SLC25A48: variants seen among roughly 807,000 people sequenced by gnomAD.
The protein encoded by SLC25A48 is solute carrier family 25 member 48, also known as CTC-321K16.1.
A neutral mutation model predicts 32.2 loss-of-function variants in SLC25A48; 29 were observed. That is an observed-to-expected ratio of 0.90 (90% CI 0.67 to 1.23). The LOEUF (loss-of-function observed/expected upper bound fraction) is 1.23, where lower values mean the gene tolerates loss of function less well. Ranked by LOEUF, SLC25A48 falls within the 50% of genes most tolerant of loss-of-function variation. SLC25A48 has a pLI of 0.00. For synonymous variants in SLC25A48, 164 were observed against 172.3 expected (o/e 0.95, Z 0.38); for missense variants, 399 against 422.7 (o/e 0.94, Z 0.49).
chr5:135,645,053 A>G (rs1243018852), intron 3 of SLC25A48, among the ~76,000 whole-genome samples: 1 of 152,174 alleles, frequency 6.6e-6, no homozygotes, highest in African/African-American at 2.4e-5. Context: ...AGGCTCCACA[A>G]GGCTTCCTCT....
chr5:135,590,166 A>G (rs1751484137), intron 1 of SLC25A48, among the ~76,000 whole-genome samples: 1 of 152,228 alleles, frequency 6.6e-6, no homozygotes, highest in African/African-American at 2.4e-5. Context: ...ATCCATGGCA[A>G]GATAAAACCC....
chr5:135,774,710 A>T (rs569387584), intron 3 of SLC25A48, among the ~76,000 whole-genome samples: 1 of 151,152 alleles, frequency 6.6e-6, no homozygotes, highest in Non-Finnish European at 1.5e-5. Flanking sequence ...AGGGGGTAAG[A>T]GGATAATATT....
At chr5:135,715,144 G>C (rs1754762580) in intron 3 of SLC25A48, among the ~76,000 whole-genome samples, 3 of 152,182 alleles carry the variant, frequency 2.0e-5, no homozygotes, top group Admixed American at 6.5e-5. Context: ...GGCTGAACTG[G>C]GGCAGAGATA....
chr5:135,613,404 T>C (rs924727884), intron 1 of SLC25A48, among the ~76,000 whole-genome samples: 3 of 152,222 alleles, frequency 2.0e-5, no homozygotes, highest in Non-Finnish European at 4.4e-5. Flanking sequence ...GTTGGTTGTT[T>C]ACTGTGCAGA....
chr5:135,785,245 G>T lies in SLC25A48; in HGVS notation c.-520-27278G>T, dbSNP rs546914651. 4.6e-5 allele frequency among the ~76,000 whole-genome samples: 7 copies of T among 152,204 alleles called. No individual in the cohort carries two copies. In the East Asian group the frequency reaches 1.4e-3, roughly 30 times the overall value. ...CTTGTCCCATAGATCGTAATGTCCG[G>T]GTGGGGAGATGGTGATATTATTCCC... On this transcript the variant is annotated intron_variant, in intron 3 of 10. Coordinates refer to the SLC25A48 transcript ENST00000646290.
chr5:135,700,955 G>T (rs944313037), intron 3 of SLC25A48, among the ~76,000 whole-genome samples: 1 of 152,182 alleles, frequency 6.6e-6, no homozygotes, highest in African/African-American at 2.4e-5. Context: ...GGACCTGGGG[G>T]AGCTCACTTT....
At chr5:135,593,589 G>C (rs183349300) in intron 1 of SLC25A48, among the ~76,000 whole-genome samples, 1 of 152,208 alleles carries the variant, frequency 6.6e-6, no homozygotes, top group Non-Finnish European at 1.5e-5. Context: ...GCTTCTCCCA[G>C]GAGGCAGATG....
At chr5:135,586,867 C>T (rs1315646022) in intron 1 of SLC25A48, among the ~76,000 whole-genome samples, 1 of 151,954 alleles carries the variant, frequency 6.6e-6, no homozygotes, top group East Asian at 1.9e-4. Flanking sequence ...TTATAAGAAG[C>T]CATTGGAGAA....
intron 3 of SLC25A48, among the ~76,000 whole-genome samples, chr5:135,701,418 A>G (rs1459964900): frequency 6.6e-6 from 1 of 152,182 alleles, no homozygotes; most frequent in East Asian, 1.9e-4. Flanking sequence ...CCTATGTCTA[A>G]GCAGGGGACC....
Position 135,611,496 on chromosome 5 carries a change from CAAAA to C in SLC25A48, c.-848-17713_-848-17710del, listed in dbSNP as rs57138043. Among the ~76,000 whole-genome samples, 120 of 21,290 alleles carry C rather than the reference CAAAA, an allele frequency of 5.6e-3. No individual in the cohort carries two copies. In the East Asian group the frequency reaches 0.093, roughly 17 times the overall value. The allele number at this position is 21,290 out of a possible 152,430, so 14.0% of individuals were successfully genotyped here. Reference sequence around the variant, plus strand: ...TCGGTGACAGAGCGAGACTCCATCTCAAAAAAAAAAAAAAAAAAAAAAAAAAAAA... The same window carrying C: ...TCGGTGACAGAGCGAGACTCCATCTCAAAAAAAAAAAAAAAAAAAAAAAAA... On this transcript the variant is annotated intron_variant, in intron 1 of 10. Transcript: ENST00000646290.
intron 3 of SLC25A48, among the ~76,000 whole-genome samples, chr5:135,682,931 A>G (rs1244717736): frequency 2.0e-5 from 3 of 152,190 alleles, no homozygotes; most frequent in Non-Finnish European, 2.9e-5. Flanking sequence ...ACTAATCATC[A>G]TTTATCAGGT....
chr5:135,648,579 T>C (rs1470469181), intron 3 of SLC25A48: 3 of 152,208 alleles, frequency 2.0e-5, no homozygotes, highest in Non-Finnish European at 4.4e-5. Flanking sequence ...CTAAGTGCCA[T>C]GTGAGCCTGG....
intron 3 of SLC25A48, among the ~76,000 whole-genome samples, chr5:135,750,025 C>G (rs1755733501): frequency 6.6e-6 from 1 of 152,182 alleles, no homozygotes; most frequent in Non-Finnish European, 1.5e-5. Flanking sequence ...TCCAGCACCT[C>G]TTTCTCTGTA....
At chr5:135,671,237 C>T (rs74943978) in intron 3 of SLC25A48, among the ~76,000 whole-genome samples, 3,597 of 152,318 alleles carry the variant, frequency 0.024, 149 homozygotes, top group African/African-American at 0.079. Flanking sequence ...CACAGGTGTG[C>T]CCATACAAGC....
intron 3 of SLC25A48, among the ~76,000 whole-genome samples, chr5:135,697,697 G>T (rs1422722618): frequency 6.6e-6 from 1 of 152,158 alleles, no homozygotes; most frequent in Non-Finnish European, 1.5e-5. Flanking sequence ...TGGCATTCAG[G>T]TTGCAGGCAG....
intron 4 of SLC25A48, among the ~76,000 whole-genome samples, chr5:135,818,069 CTCTCTCTCT>C (rs1757776966): frequency 7.4e-5 from 2 of 26,876 alleles, no homozygotes; most frequent in Non-Finnish European, 1.1e-4. Context: ...CTCTCTCTCT[CTCTCTCTCT>C]CTCTCTCTCT....
intron 3 of SLC25A48, chr5:135,649,929 A>G (rs1753066764): frequency 6.0e-6 from 1 of 167,322 alleles, no homozygotes. Flanking sequence ...CTCTTGGCTA[A>G]GAAGCTGAAA....
At chr5:135,850,941 G>A (rs1759805335) in intron 3 of SLC25A48, among the ~76,000 whole-genome samples, 1 of 152,178 alleles carries the variant, frequency 6.6e-6, no homozygotes, top group African/African-American at 2.4e-5. Flanking sequence ...GCGACCTGAG[G>A]TATTCCTTTT....
chr5:135,652,355 C>G, intron 3 of SLC25A48: 1 of 455,472 alleles, frequency 2.2e-6, no homozygotes, highest in Non-Finnish European at 4.4e-6. Flanking sequence ...ATCGACTTAC[C>G]TTCTTTGCAC....
Sources: gnomAD v4.1 joint callset for allele counts (sites outside exome capture counted in the v4.1 genomes callset) on GRCh38, gnomAD v4.1.1 for gene constraint, MANE v1.5 for transcripts, NCBI Gene and HGNC (gene_info 2026-07-23, HGNC 2026-07-21) for gene names.